The following KIAA0513 variants were observed in gnomAD, a reference collection of about 807,000 sequenced individuals.
The protein encoded by KIAA0513 is uncharacterized protein KIAA0513.
Under a neutral mutation model 56.5 loss-of-function variants are expected in KIAA0513, and 39 were observed. The ratio of observed to expected loss-of-function variants is 0.69; its 90% CI spans 0.53 to 0.90. KIAA0513 has a LOEUF of 0.90. Among genes scored for constraint, KIAA0513 ranks in the 40% least tolerant of loss-of-function variants. The pLI, the probability that KIAA0513 is intolerant of heterozygous loss-of-function variation, is 0.00. For missense variants in KIAA0513, 591 were observed against 535.2 expected, an observed-to-expected ratio of 1.10 and a Z score of -1.03; for synonymous variants, 268 against 215.6, an observed-to-expected ratio of 1.24 and a Z score of -2.13.
chr16:85,058,297 A>G (rs1309245541), intron 1 of KIAA0513, among the ~76,000 whole-genome samples: 1 of 152,206 alleles, frequency 6.6e-6, no homozygotes, highest in African/African-American at 2.4e-5. Flanking sequence ...ATCCAGCCAG[A>G]CAAATACCTG....
intron 3 of KIAA0513, among the ~76,000 whole-genome samples, chr16:85,072,400 G>A (rs754168146): frequency 1.1e-4 from 16 of 151,716 alleles, no homozygotes; most frequent in Non-Finnish European, 2.1e-4. Context: ...AAATATTCAA[G>A]ACCATGACAG....
chr16:85,071,760 C>A (rs749879825), intron 2 of KIAA0513, 23 bp from the exon 3 acceptor site: 4 of 1,412,604 alleles, frequency 2.8e-6, no homozygotes, highest in South Asian at 1.3e-5. Context: ...TTTTTTTCCT[C>A]TGCTCTTTTT....
chr16:85,029,221 T>G lies in KIAA0513; in HGVS notation c.-173+1363T>G, dbSNP rs532958786. ...ATGAAAAAGTTGACTCATGAGATTT[T>G]TTTTCCATTAAAGAGATGAAGATGG... On this transcript the variant is annotated intron_variant, in intron 1 of 12. Transcript: ENST00000683363. Among the ~76,000 whole-genome samples, 25 of 152,324 alleles carry G rather than the reference T, an allele frequency of 1.6e-4. No individual in the cohort carries two copies. The South Asian group carries it at 5.2e-3, about 32-fold the overall frequency.
chr16:85,033,032 C>T (rs146669526), intron 1 of KIAA0513, among the ~76,000 whole-genome samples: 1 of 152,124 alleles, frequency 6.6e-6, no homozygotes, highest in Admixed American at 6.5e-5. Flanking sequence ...GAATTCAATC[C>T]ATAATGCCTT....
intron 1 of KIAA0513, among the ~76,000 whole-genome samples, chr16:85,055,541 G>T (rs934981563): frequency 2.4e-4 from 36 of 152,296 alleles, no homozygotes; most frequent in African/African-American, 8.7e-4. Flanking sequence ...CTCTGAGTCT[G>T]TAACAAACAC....
chr16:85,069,046 A>G (rs985789307), intron 2 of KIAA0513, among the ~76,000 whole-genome samples: 4 of 151,654 alleles, frequency 2.6e-5, no homozygotes, highest in African/African-American at 9.7e-5. Context: ...ATTCTTTTTT[A>G]GAGAGACAGG....
rs1460276665 is a variant in KIAA0513 at position 85,093,544 on chromosome 16, G to C, written c.*5219G>C. The C allele has an allele frequency of 6.6e-6, 1 of 152,602 alleles. No individual in the cohort carries two copies. Among genetic ancestry groups the C allele is most frequent in the Non-Finnish European group, 1.5e-5 (1 of 68,044 alleles). The allele number at this position is 152,602 out of a possible 1,614,324, so 9.5% of individuals were successfully genotyped here. ...CCTGTCAGTAAATCCCCTGTGCATT[G>C]ACTAGAACTGGGGGGCTGCGCCCGC... On this transcript the variant is annotated 3_prime_UTR_variant, in exon 13 of 13. Transcript: ENST00000683363.
At chr16:85,086,930 G>A (rs1370573413) in intron 11 of KIAA0513, 142 bp from the exon 12 acceptor site, 1 of 856,834 alleles carries the variant, frequency 1.2e-6, no homozygotes, top group Non-Finnish European at 1.8e-6. Flanking sequence ...AGTTGCTGGT[G>A]GCTAATTAGG....
intron 11 of KIAA0513, 97 bp from the exon 12 acceptor site, chr16:85,086,975 G>C: frequency 8.5e-7 from 1 of 1,175,150 alleles, no homozygotes; most frequent in Non-Finnish European, 1.2e-6. Flanking sequence ...GACAATTCCA[G>C]GCAGGCCATG....
rs898004435 is a variant in KIAA0513 at position 85,076,006 on chromosome 16, A to G, written c.574+92A>G. On this transcript the variant is annotated intron_variant, in intron 5 of 12. Coordinates refer to ENST00000683363, the MANE Select transcript of KIAA0513 (RefSeq NM_001388359.1). This position sits in a 1 kb window ranked among gnomAD's most constrained non-coding sequence, Gnocchi z 4.7. ...GAAGCTTTCTTCATGATAAAAAGCA[A>G]AAGCTATGGGGCCTCCAGAGAACAG... 2.1e-6 allele frequency: 2 copies of G among 973,068 alleles called. No individual in the cohort carries two copies. Among genetic ancestry groups the G allele is most frequent in the Non-Finnish European group, 3.3e-6 (2 of 603,840 alleles). The allele number at this position is 973,068 out of a possible 1,614,324, so 60.3% of individuals were successfully genotyped here.
chr16:85,081,278 C>A lies in KIAA0513; in HGVS notation c.903-37C>A. ...CCACAACCCGTGTCCTCCCCGCCTC[C>A]CCTTGGAGAGAGTGTGACTGGGGCT... is the stretch of plus-strand genomic sequence containing the variant. On this transcript the variant is annotated intron_variant, in intron 8 of 12. Transcript: ENST00000683363. This position sits in a 1 kb window ranked among gnomAD's most constrained non-coding sequence, Gnocchi z 4.4. 1 of 1,604,836 alleles carries A rather than the reference C, an allele frequency of 6.2e-7. No individual in the cohort carries two copies. The highest frequency in any genetic ancestry group is 8.5e-7 in the Non-Finnish European group (1 of 1,172,070).
intron 1 of KIAA0513, among the ~76,000 whole-genome samples, chr16:85,065,345 C>G (rs1180327538): frequency 6.6e-6 from 1 of 152,236 alleles, no homozygotes; most frequent in African/African-American, 2.4e-5. Flanking sequence ...CTCCAGGTCC[C>G]TGAGCTGTAG....
chr16:85,030,338 A>G (rs947029238), intron 1 of KIAA0513, among the ~76,000 whole-genome samples: 8 of 152,172 alleles, frequency 5.3e-5, no homozygotes, highest in African/African-American at 1.9e-4. Flanking sequence ...TCCCCCACCC[A>G]AAAGAGAAAT....
At position 85,047,703 on chromosome 16, in the gene KIAA0513, C is replaced by G. The variant is rs552933064; in HGVS notation, c.-172-19197C>G. On this transcript the variant is annotated intron_variant, in intron 1 of 12. Coordinates refer to ENST00000683363, the MANE Select transcript of KIAA0513 (RefSeq NM_001388359.1). ...AAGGAAAAAACCCAGGGATCTGGCC[C>G]ACTGTCTCAGAACCAGGTGACCCCT... Among the ~76,000 whole-genome samples the G allele has an allele frequency of 2.9e-4, 44 of 152,132 alleles. 1 individual carries two copies. The highest frequency in any genetic ancestry group is 5.3e-4 in the Non-Finnish European group (36 of 68,036).
chr16:85,083,340 G>A (rs2073770712), intron 10 of KIAA0513, among the ~76,000 whole-genome samples: 1 of 152,072 alleles, frequency 6.6e-6, no homozygotes, highest in Non-Finnish European at 1.5e-5. Flanking sequence ...CTCTTTTGTT[G>A]GAGGATTCAT....
chr16:85,082,438 T>C, intron 9 of KIAA0513, 126 bp from the exon 10 acceptor site: 1 of 862,410 alleles, frequency 1.2e-6, no homozygotes, highest in Non-Finnish European at 1.9e-6. Context: ...AATATTCCTG[T>C]CTTTCTCTGT....
chr16:85,040,610 A>G (rs1285748525), intron 1 of KIAA0513, among the ~76,000 whole-genome samples: 2 of 152,178 alleles, frequency 1.3e-5, no homozygotes, highest in African/African-American at 4.8e-5. Flanking sequence ...ACGTTGGGAA[A>G]GTTTTTAGTT....
intron 1 of KIAA0513, among the ~76,000 whole-genome samples, chr16:85,038,447 C>G (rs1350767496): frequency 1.3e-5 from 2 of 152,124 alleles, no homozygotes; most frequent in African/African-American, 4.8e-5. Context: ...TGGCTCATGC[C>G]TGTAATCCCA....
chr16:85,062,217 C>A (rs895905098), intron 1 of KIAA0513, among the ~76,000 whole-genome samples: 1 of 151,680 alleles, frequency 6.6e-6, no homozygotes, highest in Non-Finnish European at 1.5e-5. Context: ...CGTAAACACA[C>A]ACACACACAC....
Sources: gnomAD v4.1 joint callset for allele counts (sites outside exome capture counted in the v4.1 genomes callset) on GRCh38, gnomAD v4.1.1 for gene constraint, Gnocchi (gnomAD v3.1) non-coding constraint, MANE v1.5 for transcripts, NCBI Gene and HGNC (gene_info 2026-07-23, HGNC 2026-07-21) for gene names.